The following CARF variants were observed in gnomAD, a reference collection of about 807,000 sequenced individuals.
CARF encodes the protein calcium-responsive transcription factor.
Under a neutral mutation model 82.0 loss-of-function variants are expected in CARF, and 57 were observed. That is an observed-to-expected ratio of 0.70 (90% CI 0.56 to 0.87). The LOEUF (loss-of-function observed/expected upper bound fraction) is 0.87. Ranked by LOEUF, CARF falls within the 40% of genes least tolerant of loss-of-function variation. The pLI is 0.00. For missense variants in CARF, 771 were observed against 855.8 expected, an observed-to-expected ratio of 0.90 and a Z score of 1.24; for synonymous variants, 268 against 290.1, an observed-to-expected ratio of 0.92 and a Z score of 0.77.
chr2:202,976,239 A>G (rs574461509), intron 13 of CARF, among the ~76,000 whole-genome samples: 4 of 151,298 alleles, frequency 2.6e-5, no homozygotes, highest in African/African-American at 9.7e-5. Flanking sequence ...CCGTGGCATG[A>G]TCCTGGCTCA....
At chr2:202,972,083 C>T (rs2059810944) in intron 12 of CARF, among the ~76,000 whole-genome samples, 1 of 151,988 alleles carries the variant, frequency 6.6e-6, no homozygotes, top group African/African-American at 2.4e-5. Flanking sequence ...TTTTAAAACC[C>T]AGGCCAAGAT....
rs1688813154 is a variant in CARF at position 202,912,574 on chromosome 2, G to A, written c.-858G>A. ...CCCCCAGCCGCAGCCGGTCACTGGC[G>A]GCGCCTTCCGCGCCAAGCTTGGGGG... On this transcript the variant is annotated 5_prime_UTR_variant, in exon 1 of 17. Transcript: ENST00000438828. The A allele has an allele frequency of 6.6e-6, 1 of 151,842 alleles. No homozygotes were observed. Among genetic ancestry groups the A allele is most frequent in the South Asian group, 2.1e-4 (1 of 4,814 alleles). The allele number at this position is 151,842 out of a possible 1,614,324, so 9.4% of individuals were successfully genotyped here. A position where few individuals can be genotyped will look rare whatever the true frequency, so the allele number is the denominator to read the frequency against.
At position 202,984,561 on chromosome 2, in the gene CARF, T is replaced by C. The variant is rs2060374488; in HGVS notation, c.*937T>C. 1 of 152,218 alleles carries C rather than the reference T, an allele frequency of 6.6e-6. No homozygotes were observed. Among genetic ancestry groups the C allele is most frequent in the African/African-American group, 2.4e-5 (1 of 41,456 alleles). The allele number at this position is 152,218 out of a possible 1,614,324, so 9.4% of individuals were successfully genotyped here. ...AAAAATAATTTGATTTGTAGTTACA[T>C]TTTTCTATGCCAGAGCTCTTACTGA... On this transcript the variant is annotated 3_prime_UTR_variant, in exon 17 of 17. Coordinates refer to ENST00000438828, the MANE Select transcript of CARF (RefSeq NM_024744.17).
chr2:202,981,802 G>A, intron 15 of CARF, 117 bp downstream of exon 15: 2 of 1,015,324 alleles, frequency 2.0e-6, no homozygotes, highest in South Asian at 3.4e-5. Context: ...GATGAAATAT[G>A]TTTTCATTGT....
At chr2:202,929,469 C>A (rs543700738) in intron 3 of CARF, among the ~76,000 whole-genome samples, 1 of 152,222 alleles carries the variant, frequency 6.6e-6, no homozygotes, top group South Asian at 2.1e-4. Context: ...ATTCTTGGTA[C>A]CTTTGTTGAA....
intron 14 of CARF, among the ~76,000 whole-genome samples, chr2:202,979,921 T>G (rs1395439594): frequency 6.6e-6 from 1 of 152,208 alleles, no homozygotes; most frequent in Non-Finnish European, 1.5e-5. Flanking sequence ...ATCAGTCAGT[T>G]GTATTATGGA....
At chr2:202,939,113 G>A (rs775253626) in intron 3 of CARF, among the ~76,000 whole-genome samples, 1 of 152,110 alleles carries the variant, frequency 6.6e-6, no homozygotes, top group Non-Finnish European at 1.5e-5. Context: ...ACTACATTGA[G>A]TATGGGTTTC....
intron 5 of CARF, among the ~76,000 whole-genome samples, chr2:202,948,269 T>C (rs1329629709): frequency 1.3e-5 from 2 of 152,230 alleles, no homozygotes; most frequent in Non-Finnish European, 2.9e-5. Flanking sequence ...TGTAGTATAG[T>C]TTGAAGTCAG....
chr2:202,986,803 G>A lies in CARF; in HGVS notation c.*3179G>A, dbSNP rs1202675351. 2 of 141,994 alleles carry A rather than the reference G, an allele frequency of 1.4e-5. No homozygotes were observed. Among genetic ancestry groups the A allele is most frequent in the Non-Finnish European group, 3.1e-5 (2 of 65,232 alleles). The allele number at this position is 141,994 out of a possible 1,614,324, so 8.8% of individuals were successfully genotyped here. The stretch of plus-strand genomic sequence containing the variant: ...TCAGAATACATACTTAATCATGTGG[G>A]TATGAGAAAGATGTTGTTTAACTTG... On this transcript the variant is annotated 3_prime_UTR_variant, in exon 17 of 17. Coordinates refer to ENST00000438828, the MANE Select transcript of CARF (RefSeq NM_024744.17).
At chr2:202,960,108 G>C (rs1448282583) in intron 8 of CARF, among the ~76,000 whole-genome samples, 1 of 152,088 alleles carries the variant, frequency 6.6e-6, no homozygotes, top group African/African-American at 2.4e-5. Context: ...CTATAATCTA[G>C]GTATATGCTT....
Position 202,982,370 on chromosome 2 carries a change from C to CTGTTTT in CARF, c.1992_1993insTTTGTT (p.Val664_His665insPheVal). On this transcript the variant is annotated inframe_insertion, in exon 16 of 17. Coordinates refer to ENST00000438828, the MANE Select transcript of CARF (RefSeq NM_024744.17). The stretch of plus-strand genomic sequence containing the variant: ...GAGGATACAGGGAATCTGGAAGGAA[C>CTGTTTT]TGTTCATCGGATTCTGTTGGGAGAT... 6.2e-7 allele frequency: 1 copy of CTGTTTT among 1,614,082 alleles called. No homozygotes were observed. Among genetic ancestry groups the CTGTTTT allele is most frequent in the Non-Finnish European group, 8.5e-7 (1 of 1,179,998 alleles).
At chr2:202,960,949 T>C (rs1451774070) in intron 8 of CARF, among the ~76,000 whole-genome samples, 1 of 152,232 alleles carries the variant, frequency 6.6e-6, no homozygotes. Context: ...CTGAAAGAAT[T>C]GATATACATT....
intron 3 of CARF, among the ~76,000 whole-genome samples, chr2:202,938,649 G>T (rs1384376951): frequency 3.2e-5 from 3 of 92,910 alleles, no homozygotes; most frequent in South Asian, 4.2e-4. Context: ...TTTGTGGGGG[G>T]GTTTTTTTTG....
intron 9 of CARF, among the ~76,000 whole-genome samples, chr2:202,964,639 G>C (rs2059465053): frequency 6.6e-6 from 1 of 151,844 alleles, no homozygotes; most frequent in Admixed American, 6.6e-5. Context: ...TTTTACATGT[G>C]AATCAAAGTA....
At position 202,983,625 on chromosome 2, in the gene CARF, A is replaced by AT. The variant is rs765146070; in HGVS notation, c.*3dup. On this transcript the variant is annotated 3_prime_UTR_variant, in exon 17 of 17. Coordinates refer to ENST00000438828, the MANE Select transcript of CARF (RefSeq NM_024744.17). ...CTATAAGAAATTATCTGCTACATAA[A>AT]TTATTGAAGCTTTTCAGAATTTACA... 1 of 1,540,188 alleles carries AT rather than the reference A, an allele frequency of 6.5e-7. No homozygotes were observed. The highest frequency in any genetic ancestry group is 1.4e-5 in the African/African-American group (1 of 72,978).
intron 2 of CARF, among the ~76,000 whole-genome samples, chr2:202,919,999 C>G (rs1236692416): frequency 6.6e-6 from 1 of 152,010 alleles, no homozygotes; most frequent in Non-Finnish European, 1.5e-5. Context: ...TAATTTTGAG[C>G]AATGAACCTC....
At chr2:202,963,394 A>ATTT (rs1256026886) in intron 9 of CARF, among the ~76,000 whole-genome samples, 2 of 151,884 alleles carry the variant, frequency 1.3e-5, no homozygotes, top group Non-Finnish European at 2.9e-5. Flanking sequence ...GACCAGGTAT[A>ATTT]TTTCAGAATT....
At chr2:202,966,810 T>G (rs912647881) in intron 9 of CARF, among the ~76,000 whole-genome samples, 168 bp from the exon 10 acceptor site, 32 of 152,228 alleles carry the variant, frequency 2.1e-4, no homozygotes, top group African/African-American at 7.7e-4. Context: ...TAAAATAAAC[T>G]TTTAAATTTA....
chr2:202,936,464 C>T (rs926753573), intron 3 of CARF, among the ~76,000 whole-genome samples: 2 of 152,268 alleles, frequency 1.3e-5, no homozygotes, highest in South Asian at 2.1e-4. Context: ...ATCCACCAGT[C>T]TACTTTCTTT....
Sources: allele counts gnomAD v4.1 joint callset (sites outside exome capture counted in the v4.1 genomes callset), GRCh38; gene constraint gnomAD v4.1.1; transcripts MANE v1.5; gene names NCBI Gene and HGNC (gene_info 2026-07-23, HGNC 2026-07-21).